NEK11: variants seen among roughly 807,000 people sequenced by gnomAD.
NEK11 encodes the protein serine/threonine-protein kinase Nek11.
A neutral mutation model predicts 80.7 loss-of-function variants in NEK11; 72 were observed. That is an observed-to-expected ratio of 0.89 (90% CI 0.74 to 1.08). The LOEUF is 1.08. Among genes scored for constraint, NEK11 ranks in the 50% least tolerant of loss-of-function variants. The pLI, the probability that NEK11 is intolerant of heterozygous loss-of-function variation, is 0.00. For missense variants in NEK11, 764 were observed against 763.6 expected (o/e 1.00, Z -0.01); for synonymous variants, 251 against 260.7 (o/e 0.96, Z 0.36).
intron 14 of NEK11, among the ~76,000 whole-genome samples, chr3:131,195,228 G>T (rs1283068106): frequency 6.6e-6 from 1 of 151,996 alleles, no homozygotes; most frequent in African/African-American, 2.4e-5. Flanking sequence ...GGCCTATAAG[G>T]CCCCTGCCTG....
rs147805381 is a variant in NEK11 at position 131,341,633 on chromosome 3, GAC to G, written c.1719-7922_1719-7921del. ...AATCCAGCATTGTGAGAATATATCT[GAC>G]AGTTTCTCTTTGTAGTCCTCTATGT... On this transcript the variant is annotated intron_variant, in intron 17 of 17. Transcript: ENST00000383366. Among the ~76,000 whole-genome samples, 836 of 152,310 alleles carry G rather than the reference GAC, an allele frequency of 5.5e-3. 8 individuals are homozygous for G. Among genetic ancestry groups the G allele is most frequent in the African/African-American group, 0.019 (777 of 41,582 alleles).
chr3:131,242,578 C>T (rs9863892), intron 15 of NEK11, among the ~76,000 whole-genome samples: 42,230 of 152,042 alleles, frequency 0.28, 7,321 homozygotes, highest in Middle Eastern at 0.45. Flanking sequence ...TTGCTACGCC[C>T]GGCTGATTTT....
intron 14 of NEK11, among the ~76,000 whole-genome samples, chr3:131,205,471 T>C (rs774845799): frequency 1.6e-4 from 24 of 152,200 alleles, no homozygotes; most frequent in Non-Finnish European, 3.2e-4. Flanking sequence ...TATCAGGTTG[T>C]TCATACCCTG....
intron 4 of NEK11, among the ~76,000 whole-genome samples, chr3:131,092,005 C>A (rs1321694340): frequency 6.6e-6 from 1 of 152,194 alleles, no homozygotes; most frequent in African/African-American, 2.4e-5. Flanking sequence ...TCAGCTATTT[C>A]TTCTGTGTAT....
intron 17 of NEK11, among the ~76,000 whole-genome samples, chr3:131,319,697 C>T (rs2096878376): frequency 6.6e-6 from 1 of 152,050 alleles, no homozygotes. Flanking sequence ...AAGTCTAGCA[C>T]CATTTATATC....
Position 131,145,475 on chromosome 3 carries a change from A to G in NEK11, c.648-6913A>G, listed in dbSNP as rs1265011010. The stretch of plus-strand genomic sequence containing the variant: ...CCTTCCTTTTTCCATAGAAGGTCTC[A>G]TAGTCTGTGTGCCCTATATTTGCCG... On this transcript the variant is annotated intron_variant, in intron 7 of 17. Transcript: ENST00000383366. Among the ~76,000 whole-genome samples, 5 of 152,274 alleles carry G rather than the reference A, an allele frequency of 3.3e-5. No homozygotes were observed. The East Asian group carries it at 7.7e-4, about 23-fold the overall frequency.
intron 15 of NEK11, among the ~76,000 whole-genome samples, chr3:131,234,567 G>A (rs138501490): frequency 1.1e-4 from 16 of 152,226 alleles, no homozygotes; most frequent in Admixed American, 3.9e-4. Context: ...TCTAGGTGAT[G>A]GGCCTTCTGT....
Position 131,132,749 on chromosome 3 carries a change from A to G in NEK11, c.460A>G (p.Ile154Val). The change falls in exon 6 of 18, where the codon ATA becomes GTA. Residue 154 changes from isoleucine (I) to valine (V), a missense_variant. By Grantham distance (29) the Ile-to-Val change is conservative. Transcript: ENST00000383366. ...TATCTTTTTTGCCTTTTGTAGGAGG[A>G]TACTTCATCGAGACTTAAAGTCAAA... The part of the protein sequence containing the change: ...LGVDYMHERR[I>V]LHRDLKSKNV... 1 of 1,514,510 alleles carries G rather than the reference A, an allele frequency of 6.6e-7. No individual in the cohort carries two copies. Among genetic ancestry groups the G allele is most frequent in the Non-Finnish European group, 9.0e-7 (1 of 1,108,118 alleles). The allele number at this position is 1,514,510 out of a possible 1,614,324, so 93.8% of individuals were successfully genotyped here.
chr3:131,239,401 G>A (rs568388486), intron 15 of NEK11, among the ~76,000 whole-genome samples: 1 of 152,142 alleles, frequency 6.6e-6, no homozygotes, highest in Non-Finnish European at 1.5e-5. Flanking sequence ...ATAGGTCTAT[G>A]CCTGCTCAGG....
At chr3:131,238,182 A>C (rs2095464070) in intron 15 of NEK11, among the ~76,000 whole-genome samples, 1 of 151,772 alleles carries the variant, frequency 6.6e-6, no homozygotes, top group Non-Finnish European at 1.5e-5. Context: ...ATCAGGGAGG[A>C]CTCTGACCAC....
In NEK11 at chr3:131,272,463, C is replaced by CTTTTTTTTTTT. The variant is rs869304359; in HGVS notation, c.1622-995_1622-985dup. 1.8e-3 allele frequency among the ~76,000 whole-genome samples: 77 copies of CTTTTTTTTTTT among 43,898 alleles called. 12 individuals carry two copies. The highest frequency in any genetic ancestry group is 3.1e-3 in the Admixed American group (10 of 3,202). The allele number at this position is 43,898 out of a possible 152,430, so 28.8% of individuals were successfully genotyped here. ...CTTGCTAATGGGCCAGTTTTAGCTT[C>CTTTTTTTTTTT]TTTTTTTTTTTTTTTTTTTTTTTTT... On this transcript the variant is annotated intron_variant, in intron 16 of 17. Coordinates refer to ENST00000383366, the MANE Select transcript of NEK11 (RefSeq NM_024800.5).
Position 131,228,585 on chromosome 3 carries a change from A to G in NEK11, c.1457A>G (p.Tyr486Cys), listed in dbSNP as rs372930639. 3.7e-6 allele frequency: 6 copies of G among 1,613,580 alleles called. No individual in the cohort carries two copies. The highest frequency in any genetic ancestry group is 2.7e-5 in the African/African-American group (2 of 75,014). Residue 486 changes from tyrosine to cysteine, a missense_variant, in exon 15 of 18, where the codon TAT becomes TGT. Physicochemically the swap from Tyr to Cys is radical, Grantham distance 194. Transcript: ENST00000383366. ...TACTACGCTGATGCATTTGATTCCT[A>G]TTGTGAAGAGAGTGATGAGGAGGAA... is the stretch of plus-strand genomic sequence containing the variant. Reference protein sequence around the residue: ...EEYYADAFDSYCEESDEEEEE... With the variant: ...EEYYADAFDSCCEESDEEEEE...
intron 16 of NEK11, among the ~76,000 whole-genome samples, chr3:131,262,463 C>T (rs574753777): frequency 1.4e-4 from 22 of 152,156 alleles, no homozygotes; most frequent in South Asian, 1.0e-3. Context: ...TCATGTTATC[C>T]GCAAATTGAG....
At chr3:131,120,721 A>C (rs2082222810) in intron 5 of NEK11, among the ~76,000 whole-genome samples, 2 of 151,788 alleles carry the variant, frequency 1.3e-5, no homozygotes, top group Admixed American at 1.3e-4. Context: ...GCTTCATTTC[A>C]TTCATCTGAT....
rs182029102 is a variant in NEK11 at position 131,173,881 on chromosome 3, C to G, written c.1399+2994C>G. Among the ~76,000 whole-genome samples, 10 of 152,246 alleles carry G rather than the reference C, an allele frequency of 6.6e-5. No individual in the cohort carries two copies. The East Asian group carries it at 1.7e-3, about 26-fold the overall frequency. ...GCCAGACTGGAAATCGTCAAATCTA[C>G]TTCTTTGACCACTTTGTTCATGTTG... On this transcript the variant is annotated intron_variant, in intron 14 of 17. Coordinates refer to ENST00000383366, the MANE Select transcript of NEK11 (RefSeq NM_024800.5).
intron 7 of NEK11, among the ~76,000 whole-genome samples, chr3:131,142,766 C>T (rs2087233748): frequency 6.6e-6 from 1 of 152,150 alleles, no homozygotes; most frequent in Non-Finnish European, 1.5e-5. Flanking sequence ...CTGTGGTCTC[C>T]TTGTTCTCCT....
chr3:131,292,770 C>T (rs1034187774), intron 17 of NEK11, among the ~76,000 whole-genome samples: 1 of 152,100 alleles, frequency 6.6e-6, no homozygotes, highest in Non-Finnish European at 1.5e-5. Flanking sequence ...TGATTTATTT[C>T]ATCAGAGATT....
chr3:131,061,484 A>G (rs2070856671), intron 3 of NEK11, among the ~76,000 whole-genome samples: 1 of 151,994 alleles, frequency 6.6e-6, no homozygotes, highest in African/African-American at 2.4e-5. Context: ...CAGATAGTGT[A>G]TCTCGGTGTT....
Position 131,109,783 on chromosome 3 carries a change from G to A in NEK11, c.337-20G>A, listed in dbSNP as rs373170262. On this transcript the variant is annotated intron_variant, in intron 4 of 17. Transcript: ENST00000383366. ...ACATATTAGCTGAAAAAATATGAAA[G>A]ATTATGCTCTTCATTTCAGGGCCGA... 6.4e-7 allele frequency: 1 copy of A among 1,569,526 alleles called. No homozygotes were observed. Among genetic ancestry groups the A allele is most frequent in the Non-Finnish European group, 8.6e-7 (1 of 1,165,484 alleles).
Sources: allele counts gnomAD v4.1 joint callset (sites outside exome capture counted in the v4.1 genomes callset), GRCh38; gene constraint gnomAD v4.1.1; transcripts MANE v1.5; gene names NCBI Gene and HGNC (gene_info 2026-07-23, HGNC 2026-07-21).